Variants in DGCR2 observed in about 807,000 individuals in gnomAD.
The protein encoded by DGCR2 is DiGeorge syndrome critical region gene 2.
Under a neutral mutation model 51.6 loss-of-function variants are expected in DGCR2, and 24 were observed. The ratio of observed to expected loss-of-function variants is 0.47; its 90% confidence interval spans 0.34 to 0.65. The LOEUF (loss-of-function observed/expected upper bound fraction) is 0.65. Ranked by LOEUF, DGCR2 falls within the 30% of genes least tolerant of loss-of-function variation. DGCR2 has a pLI of 0.01. For missense variants in DGCR2, 765 were observed against 772.1 expected, an observed-to-expected ratio of 0.99 and a Z score of 0.11; for synonymous variants, 340 against 315.4, an observed-to-expected ratio of 1.08 and a Z score of -0.82.
At chr22:19,063,540 G>A (rs1310918017) in intron 4 of DGCR2, among the ~76,000 whole-genome samples, 4 of 149,670 alleles carry the variant, frequency 2.7e-5, no homozygotes, top group South Asian at 2.1e-4. Flanking sequence ...TAGTAGAGAC[G>A]GGGTTTCACC....
intron 1 of DGCR2, among the ~76,000 whole-genome samples, chr22:19,098,265 C>G (rs2083163458): frequency 6.6e-6 from 1 of 152,120 alleles, no homozygotes; most frequent in South Asian, 2.1e-4. Context: ...ACTGAGTCGG[C>G]CTTCTTGGCC....
At chr22:19,063,764 C>G (rs73386912) in intron 4 of DGCR2, among the ~76,000 whole-genome samples, 36 of 152,266 alleles carry the variant, frequency 2.4e-4, no homozygotes, top group African/African-American at 8.7e-4. Context: ...AAGACTGTTT[C>G]TATGAGCTAA....
intron 1 of DGCR2, among the ~76,000 whole-genome samples, chr22:19,093,362 A>C (rs1242414365): frequency 1.8e-5 from 1 of 55,960 alleles, no homozygotes; most frequent in Non-Finnish European, 3.1e-5. Flanking sequence ...CTCCACCTCG[A>C]AAAAAAAAAA....
At chr22:19,062,539 G>A (rs2082676181) in intron 5 of DGCR2, among the ~76,000 whole-genome samples, 5 of 152,138 alleles carry the variant, frequency 3.3e-5, no homozygotes. Context: ...ACAAAGTACA[G>A]CCCAACAGAC....
intron 7 of DGCR2, among the ~76,000 whole-genome samples, chr22:19,044,357 C>T (rs1661259752): frequency 6.6e-6 from 1 of 152,230 alleles, no homozygotes; most frequent in African/African-American, 2.4e-5. Flanking sequence ...AGAGAGGATC[C>T]AGCCTGTGCA....
intron 5 of DGCR2, among the ~76,000 whole-genome samples, chr22:19,062,883 C>G (rs914735811): frequency 6.6e-6 from 1 of 151,598 alleles, no homozygotes. Context: ...TCCCCTCCAG[C>G]CTGCCAGGGG....
intron 1 of DGCR2, among the ~76,000 whole-genome samples, chr22:19,109,183 A>G (rs1018591162): frequency 2.6e-5 from 4 of 152,226 alleles, no homozygotes; most frequent in African/African-American, 4.8e-5. Flanking sequence ...ACTCATGTAC[A>G]TCGTTGGTAG....
At chr22:19,108,800 T>A (rs771718891) in intron 1 of DGCR2, among the ~76,000 whole-genome samples, 4 of 151,552 alleles carry the variant, frequency 2.6e-5, no homozygotes, top group Non-Finnish European at 5.9e-5. Flanking sequence ...GGTGGGAGGA[T>A]TGCTTGAGCC....
chr22:19,122,260 T>G lies in DGCR2; in HGVS notation c.-54A>C. On this transcript the variant is annotated 5_prime_UTR_variant, in exon 1 of 10. Coordinates refer to ENST00000263196, the MANE Select transcript of DGCR2 (RefSeq NM_005137.3). Reference sequence around the variant, plus strand: ...GCTGGAAGGCCGGACCAGGCCGGACTGAGGGTCAGGGGACCGTGCCAAGCG... The same window carrying G: ...GCTGGAAGGCCGGACCAGGCCGGACGGAGGGTCAGGGGACCGTGCCAAGCG... The G allele has an allele frequency of 7.3e-7, 1 of 1,379,280 alleles. No homozygotes were observed. The highest frequency in any genetic ancestry group is 9.7e-7 in the Non-Finnish European group (1 of 1,035,464). The allele number at this position is 1,379,280 out of a possible 1,614,324, so 85.4% of individuals were successfully genotyped here.
intron 2 of DGCR2, among the ~76,000 whole-genome samples, chr22:19,081,122 T>G (rs963801383): frequency 6.6e-6 from 1 of 152,164 alleles, no homozygotes; most frequent in Non-Finnish European, 1.5e-5. Flanking sequence ...GGCTTTTCTT[T>G]GGAAAGGAAA....
Position 19,057,352 on chromosome 22 carries a change from G to T in DGCR2, c.626-190C>A, listed in dbSNP as rs368988123. Among the ~76,000 whole-genome samples the T allele has an allele frequency of 1.4e-4, 21 of 152,316 alleles. No individual in the cohort carries two copies. The East Asian group carries it at 3.3e-3, about 24-fold the overall frequency. On this transcript the variant is annotated intron_variant, in intron 5 of 9. Transcript: ENST00000263196. The surrounding 1 kb of genome is among the most constrained non-coding windows in gnomAD (Gnocchi z 5.1). ...TCCTGGGAGTCACCCCAGGTGCTGG[G>T]CCTAGCGGGAGCCACTCCTTGGAGC...
intron 3 of DGCR2, among the ~76,000 whole-genome samples, chr22:19,067,327 TTGA>T (rs2082761078): frequency 6.6e-6 from 1 of 152,234 alleles, no homozygotes; most frequent in Non-Finnish European, 1.5e-5. Context: ...TCAACCTTCC[TTGA>T]TGATCTCATG....
At chr22:19,110,215 AT>A (rs1235923055) in intron 1 of DGCR2, among the ~76,000 whole-genome samples, 3 of 152,254 alleles carry the variant, frequency 2.0e-5, no homozygotes, top group South Asian at 4.1e-4. Flanking sequence ...TAATGGAGCT[AT>A]TACATGCCAA....
chr22:19,043,013 C>T (rs2082450314), intron 7 of DGCR2, among the ~76,000 whole-genome samples: 1 of 152,178 alleles, frequency 6.6e-6, no homozygotes, highest in Non-Finnish European at 1.5e-5. Context: ...GCCACACCCA[C>T]ACATTGGGTA....
chr22:19,090,586 G>C (rs937008175), intron 1 of DGCR2, among the ~76,000 whole-genome samples: 2 of 152,192 alleles, frequency 1.3e-5, no homozygotes, highest in Non-Finnish European at 2.9e-5. Flanking sequence ...ATACTGTATT[G>C]TGCAGTTTAT....
At chr22:19,045,748 A>G (rs569092434) in intron 7 of DGCR2, among the ~76,000 whole-genome samples, 22 of 152,244 alleles carry the variant, frequency 1.4e-4, no homozygotes, top group Admixed American at 9.8e-4. Context: ...ACTTTTTGAG[A>G]TGGAGTCTCG....
At position 19,057,285 on chromosome 22, in the gene DGCR2, G is replaced by T; in HGVS notation, c.626-123C>A. On this transcript the variant is annotated intron_variant, in intron 5 of 9. Coordinates refer to ENST00000263196, the MANE Select transcript of DGCR2 (RefSeq NM_005137.3). This position sits in a 1 kb window ranked among gnomAD's most constrained non-coding sequence, Gnocchi z 5.1. ...CACAGGGCCTGGACCGCCAAGTACT[G>T]GTGGTCACTGTGGCCAGGTGTTCAC... 1 of 1,105,746 alleles carries T rather than the reference G, an allele frequency of 9.0e-7. No individual in the cohort carries two copies. The highest frequency in any genetic ancestry group is 1.3e-6 in the Non-Finnish European group (1 of 796,352). 68.5% of individuals were successfully genotyped at this position (1,105,746 alleles called of 1,614,324 possible).
intron 1 of DGCR2, among the ~76,000 whole-genome samples, chr22:19,096,690 T>C (rs767371794): frequency 4.6e-5 from 7 of 152,094 alleles, no homozygotes; most frequent in Non-Finnish European, 1.0e-4. Context: ...ATTCACTGAA[T>C]AGAGATTTAG....
At position 19,057,332 on chromosome 22, in the gene DGCR2, G is replaced by A. The variant is rs1774261436; in HGVS notation, c.626-170C>T. Among the ~76,000 whole-genome samples the A allele has an allele frequency of 6.6e-6, 1 of 152,292 alleles. No individual in the cohort carries two copies. The highest frequency in any genetic ancestry group is 1.9e-4 in the East Asian group (1 of 5,166). On this transcript the variant is annotated intron_variant, in intron 5 of 9. Transcript: ENST00000263196. The surrounding 1 kb of genome is among the most constrained non-coding windows in gnomAD (Gnocchi z 5.1). Reference sequence around the variant, plus strand: ...TCACTCGGGACTCCCCAACCTCCTGGGAGTCACCCCAGGTGCTGGGCCTAG... The same window carrying A: ...TCACTCGGGACTCCCCAACCTCCTGAGAGTCACCCCAGGTGCTGGGCCTAG...
Sources: allele counts gnomAD v4.1 joint callset (sites outside exome capture counted in the v4.1 genomes callset), GRCh38; gene constraint gnomAD v4.1.1; non-coding constraint Gnocchi (gnomAD v3.1); transcripts MANE v1.5; gene names NCBI Gene and HGNC (gene_info 2026-07-23, HGNC 2026-07-21).